Variants in ANK2 observed in about 807,000 individuals in gnomAD.
ANK2 encodes the protein ankyrin-2.
Under a neutral mutation model 360.5 loss-of-function variants are expected in ANK2, and 83 were observed. The ratio of observed to expected loss-of-function variants is 0.23; its 90% confidence interval spans 0.19 to 0.28. The LOEUF is 0.28. ANK2 is among the 10% of genes least tolerant of loss of function. The probability of loss-of-function intolerance (pLI) is 1.00; values close to 1 mark genes in which losing one functional copy is unlikely to be tolerated. For missense variants in ANK2, 4,201 were observed against 4,795.7 expected, an observed-to-expected ratio of 0.88 and a Z score of 3.66; for synonymous variants, 1,740 against 1,759.5, an observed-to-expected ratio of 0.99 and a Z score of 0.28.
chr4:113,205,043 G>A (rs1353528612), intron 4 of ANK2, among the ~76,000 whole-genome samples: 1 of 151,940 alleles, frequency 6.6e-6, no homozygotes, highest in Non-Finnish European at 1.5e-5. Context: ...AGACCATTCT[G>A]GCTAACACGG....
At chr4:112,993,924 T>A (rs1351377602) in intron 2 of ANK2, among the ~76,000 whole-genome samples, 1 of 152,028 alleles carries the variant, frequency 6.6e-6, no homozygotes, top group Non-Finnish European at 1.5e-5. Flanking sequence ...GCCAGGCTGG[T>A]CTTGAACTCC....
chr4:113,361,432 A>G (rs1001749658), intron 39 of ANK2, among the ~76,000 whole-genome samples: 2 of 152,100 alleles, frequency 1.3e-5, no homozygotes, highest in Non-Finnish European at 2.9e-5. Context: ...AGTGAATTCT[A>G]AAATCAATAT....
At chr4:113,312,900 G>A (rs186303185) in intron 24 of ANK2, among the ~76,000 whole-genome samples, 180 of 152,274 alleles carry the variant, frequency 1.2e-3, no homozygotes, top group Middle Eastern at 3.4e-3. Context: ...GCAATTGTTC[G>A]TGTATTAACT....
chr4:112,789,619 A>G, the ANK2 span, among the ~76,000 whole-genome samples: 26 of 152,228 alleles, frequency 1.7e-4, no homozygotes, highest in Admixed American at 1.7e-3. Context: ...ATGGCTTTAA[A>G]TCAGTGATTT....
At chr4:113,346,166 T>G in intron 35 of ANK2, 144 bp downstream of exon 35, 1 of 969,040 alleles carries the variant, frequency 1.0e-6, no homozygotes, top group Non-Finnish European at 1.6e-6. Flanking sequence ...AAAGACTGAT[T>G]GAAAGCATGT....
chr4:113,327,357 G>A (rs1306332228), intron 26 of ANK2, among the ~76,000 whole-genome samples: 1 of 152,166 alleles, frequency 6.6e-6, no homozygotes, highest in Non-Finnish European at 1.5e-5. Context: ...GCCTGTAGGA[G>A]AATATTTAAC....
Position 113,293,447 on chromosome 4 carries a change from A to C in ANK2, c.2384A>C (p.Asn795Thr), listed in dbSNP as rs769106499. The C allele has an allele frequency of 2.5e-6, 4 of 1,613,264 alleles. No individual in the cohort carries two copies. The Admixed American group carries it at 6.7e-5, about 27-fold the overall frequency. ...CTTTCACTCTCTCTTCAGAATGGCAACACTGCCTTGGCGATTGCTAAGCGT... is the reference window on the plus strand; with the variant it reads ...CTTTCACTCTCTCTTCAGAATGGCACCACTGCCTTGGCGATTGCTAAGCGT... The part of the protein sequence containing the change: ...AKPNATTANG[N>T]TALAIAKRLG... The change falls in exon 22 of 46, where the codon AAC becomes ACC. Residue 795 changes from asparagine to threonine, a missense_variant. Physicochemically the swap from Asn to Thr is moderately conservative, Grantham distance 65. Around this residue, in one of 4 missense-constraint regions of ANK2, gnomAD observed 1,268 missense variants for 1,650.8 expected, o/e 0.77. Transcript: ENST00000357077.
chr4:113,346,163 G>C, intron 35 of ANK2, 141 bp downstream of exon 35: 3 of 996,740 alleles, frequency 3.0e-6, no homozygotes, highest in Non-Finnish European at 4.6e-6. Flanking sequence ...AACAAAGACT[G>C]ATTGAAAGCA....
At chr4:113,302,872 G>A (rs770206474) in intron 23 of ANK2, 33 bp downstream of exon 23, 1 of 1,573,822 alleles carries the variant, frequency 6.4e-7, no homozygotes, top group Non-Finnish European at 8.7e-7. Flanking sequence ...TATGACACCT[G>A]TCATGTTCTT....
At chr4:112,951,111 T>C (rs1004516948) in intron 2 of ANK2, among the ~76,000 whole-genome samples, 12 of 143,458 alleles carry the variant, frequency 8.4e-5, no homozygotes, top group African/African-American at 3.0e-4. Flanking sequence ...AAAAAATGTG[T>C]GCCTCTTTGA....
chr4:113,048,272 ATATATTTTTTTTTTTTTTTTTTT>A (rs2065359755), upstream of ANK2, among the ~76,000 whole-genome samples: 1 of 48,012 alleles, frequency 2.1e-5, no homozygotes, highest in Non-Finnish European at 3.5e-5. Context: ...ATATATATAT[ATATATTTTTTTTTTTTTTTTTTT>A]TTTTTTTTTT....
the ANK2 span, among the ~76,000 whole-genome samples, chr4:112,740,752 G>A: frequency 3.9e-5 from 6 of 151,936 alleles, no homozygotes; most frequent in East Asian, 5.8e-4. Context: ...AGTGGCTTAC[G>A]TCCGTAATCC....
At chr4:113,368,210 T>A (rs2096605138) in intron 42 of ANK2, among the ~76,000 whole-genome samples, 1 of 152,224 alleles carries the variant, frequency 6.6e-6, no homozygotes, top group Non-Finnish European at 1.5e-5. Flanking sequence ...AAATTCCCTG[T>A]AGATGACACG....
intron 43 of ANK2, chr4:113,372,469 G>T (rs2096773764): frequency 1.9e-6 from 2 of 1,037,480 alleles, no homozygotes; most frequent in Admixed American, 4.4e-5. Context: ...AGCTAAAGAA[G>T]AAACCAGTAG....
chr4:112,807,363 C>T, the ANK2 span, among the ~76,000 whole-genome samples: 1 of 152,136 alleles, frequency 6.6e-6, no homozygotes, highest in African/African-American at 2.4e-5. Flanking sequence ...TATGCAGATA[C>T]CGTCACAGAA....
chr4:112,706,965 TC>T, the ANK2 span, among the ~76,000 whole-genome samples: 3 of 152,070 alleles, frequency 2.0e-5, no homozygotes, highest in Admixed American at 6.6e-5. Flanking sequence ...CTAGATTTTT[TC>T]CCCCCGGCTA....
chr4:113,131,245 T>C (rs2096012002), intron 1 of ANK2, among the ~76,000 whole-genome samples: 1 of 152,160 alleles, frequency 6.6e-6, no homozygotes, highest in African/African-American at 2.4e-5. Flanking sequence ...ATTTGCACTG[T>C]TTTCCTTTCC....
intron 40 of ANK2, among the ~76,000 whole-genome samples, chr4:113,363,916 T>A (rs1019851047): frequency 1.3e-5 from 2 of 152,128 alleles, no homozygotes; most frequent in African/African-American, 2.4e-5. Context: ...GACCCTGAAC[T>A]GAATAAGGGG....
chr4:113,043,952 C>T (rs902940186), intron 2 of ANK2, among the ~76,000 whole-genome samples: 2 of 152,138 alleles, frequency 1.3e-5, no homozygotes, highest in African/African-American at 4.8e-5. Context: ...TTCTCCTCAT[C>T]TCTTCTGATC....
Sources: gnomAD v4.1 joint callset for allele counts (sites outside exome capture counted in the v4.1 genomes callset) on GRCh38, gnomAD v4.1.1 for gene constraint, gnomAD v4.1.1 regional missense constraint, MANE v1.5 for transcripts, NCBI Gene and HGNC (gene_info 2026-07-23, HGNC 2026-07-21) for gene names.